Variants in RYR3 observed in about 807,000 individuals in gnomAD.
RYR3 encodes the protein ryanodine receptor 3.
RYR3 carries 207 observed loss-of-function variants against 584.3 expected under a neutral mutation model. The ratio of observed to expected loss-of-function variants is 0.35; its 90% confidence interval spans 0.32 to 0.40. The LOEUF is 0.40. RYR3 is among the 10% of genes least tolerant of loss of function. The probability of loss-of-function intolerance (pLI) is 1.00; values close to 1 mark genes in which losing one functional copy is unlikely to be tolerated. For synonymous variants in RYR3, 2,416 were observed against 2,248.5 expected (o/e 1.07, Z -2.11); for missense variants, 5,616 against 6,089.2 (o/e 0.92, Z 2.59).
At chr15:33,456,378 C>CAGGACATT (rs2047561776) in intron 1 of RYR3, among the ~76,000 whole-genome samples, 1 of 152,204 alleles carries the variant, frequency 6.6e-6, no homozygotes, top group Admixed American at 6.5e-5. Flanking sequence ...GCACGTGACA[C>CAGGACATT]AGGAAGTTTT....
rs1567276035 is a variant in RYR3 at position 33,834,327 on chromosome 15, G to GCACACACAC, written c.11464-641_11464-640insCACACACAC. ...ACACACACACACACACACACACAGTGAGATTAACATGGAAAATGCAAACTA... is the reference window on the plus strand; with the variant it reads ...ACACACACACACACACACACACAGTGCACACACACAGATTAACATGGAAAATGCAAACTA... On this transcript the variant is annotated intron_variant, in intron 86 of 103. Coordinates refer to ENST00000634891, the MANE Select transcript of RYR3 (RefSeq NM_001036.6). Among the ~76,000 whole-genome samples the GCACACACAC allele has an allele frequency of 5.0e-3, 561 of 112,666 alleles. 5 individuals carry two copies. The highest frequency in any genetic ancestry group is 0.015 in the African/African-American group (478 of 32,244). 73.9% of individuals were successfully genotyped at this position (112,666 alleles called of 152,430 possible). A position where few individuals can be genotyped will look rare whatever the true frequency, so the allele number is the denominator to read the frequency against.
At chr15:33,669,627 A>G (rs576703409) in intron 37 of RYR3, among the ~76,000 whole-genome samples, 171 bp downstream of exon 37, 3 of 152,334 alleles carry the variant, frequency 2.0e-5, no homozygotes, top group Non-Finnish European at 2.9e-5. Context: ...AGATACAGGA[A>G]GTAACCCTGA....
chr15:33,619,117 C>T (rs1015987705), intron 19 of RYR3, among the ~76,000 whole-genome samples: 3 of 152,112 alleles, frequency 2.0e-5, no homozygotes, highest in African/African-American at 7.2e-5. Context: ...AGGACAGAGT[C>T]GCTTACTGTA....
At chr15:33,616,462 A>G (rs1034304961) in intron 19 of RYR3, among the ~76,000 whole-genome samples, 17 of 152,210 alleles carry the variant, frequency 1.1e-4, no homozygotes, top group Admixed American at 4.6e-4. Context: ...CATGTAGAAG[A>G]CATTTCTGGG....
chr15:33,454,991 G>C (rs999990094), intron 1 of RYR3, among the ~76,000 whole-genome samples: 13 of 152,210 alleles, frequency 8.5e-5, no homozygotes, highest in Admixed American at 7.9e-4. Context: ...GCATATCACT[G>C]TGTCTGGAGC....
chr15:33,787,532 A>T (rs1291483173), intron 66 of RYR3, among the ~76,000 whole-genome samples: 4 of 126,688 alleles, frequency 3.2e-5, no homozygotes, highest in Non-Finnish European at 1.7e-5. Flanking sequence ...AAAAAAAAAC[A>T]AAAACAAACA....
chr15:33,503,166 CTCTA>C (rs1362487184), intron 2 of RYR3, among the ~76,000 whole-genome samples: 2 of 152,138 alleles, frequency 1.3e-5, no homozygotes, highest in Admixed American at 6.6e-5. Context: ...TCTTTTTATA[CTCTA>C]TCTAGGTTTT....
chr15:33,547,229 C>T (rs1394693840), intron 8 of RYR3, among the ~76,000 whole-genome samples: 1 of 152,108 alleles, frequency 6.6e-6, no homozygotes, highest in African/African-American at 2.4e-5. Flanking sequence ...ACCGGTACTC[C>T]ACAAAACTGT....
At chr15:33,725,434 G>C (rs898071737) in intron 45 of RYR3, among the ~76,000 whole-genome samples, 2 of 152,062 alleles carry the variant, frequency 1.3e-5, no homozygotes, top group South Asian at 4.1e-4. Flanking sequence ...CCAGCTGAAC[G>C]CCTACTACAC....
chr15:33,332,607 A>G (rs1567040180), intron 1 of RYR3, among the ~76,000 whole-genome samples: 1 of 152,136 alleles, frequency 6.6e-6, no homozygotes, highest in Non-Finnish European at 1.5e-5. Flanking sequence ...TTCTCTCATT[A>G]CAGAACAATT....
chr15:33,855,179 G>C (rs1390005128), intron 98 of RYR3, among the ~76,000 whole-genome samples: 1 of 151,928 alleles, frequency 6.6e-6, no homozygotes, highest in African/African-American at 2.4e-5. Context: ...GGAGGTGATG[G>C]ACATGTCAGA....
chr15:33,839,079 G>A, intron 89 of RYR3, 121 bp downstream of exon 89: 1 of 1,239,484 alleles, frequency 8.1e-7, no homozygotes, highest in Non-Finnish European at 1.1e-6. Flanking sequence ...GACAGTGGCT[G>A]TGGTGTGATT....
intron 24 of RYR3, among the ~76,000 whole-genome samples, 192 bp downstream of exon 24, chr15:33,633,300 C>T (rs2061353591): frequency 6.6e-6 from 1 of 152,198 alleles, no homozygotes; most frequent in Non-Finnish European, 1.5e-5. Flanking sequence ...CATAGCTCAG[C>T]AGTATTTCTG....
intron 86 of RYR3, among the ~76,000 whole-genome samples, chr15:33,832,324 T>C (rs931175112): frequency 6.6e-5 from 10 of 150,936 alleles, no homozygotes; most frequent in African/African-American, 2.4e-4. Context: ...AAATCATACC[T>C]GATTTAAAAT....
intron 67 of RYR3, among the ~76,000 whole-genome samples, chr15:33,788,712 A>C (rs953256673): frequency 6.6e-6 from 1 of 152,112 alleles, no homozygotes; most frequent in East Asian, 1.9e-4. Flanking sequence ...AGGTCAGAGG[A>C]AGTTGGTCAA....
rs1890370621 is a variant in RYR3 at position 33,865,919 on chromosome 15, T to TGTCA, written c.*698_*701dup. On this transcript the variant is annotated 3_prime_UTR_variant, in exon 104 of 104. Coordinates refer to ENST00000634891, the MANE Select transcript of RYR3 (RefSeq NM_001036.6). ...TCATACAAGTTTTTTTAGTAACAGC[T>TGTCA]GTCAGTCAACTGCTGTTATTAGAAG... 6.5e-6 allele frequency: 1 copy of TGTCA among 152,720 alleles called. No individual in the cohort carries two copies. The allele number at this position is 152,720 out of a possible 1,614,324, so 9.5% of individuals were successfully genotyped here.
intron 38 of RYR3, among the ~76,000 whole-genome samples, chr15:33,671,779 G>A (rs1265343875): frequency 6.7e-6 from 1 of 148,954 alleles, no homozygotes; most frequent in Non-Finnish European, 1.5e-5. Context: ...TTTTGAAAGT[G>A]GTTGCTTCTT....
chr15:33,504,267 CCTTATAA>C (rs1169295415), intron 3 of RYR3, among the ~76,000 whole-genome samples: 1 of 152,150 alleles, frequency 6.6e-6, no homozygotes, highest in Non-Finnish European at 1.5e-5. Flanking sequence ...GTAAAATGAT[CCTTATAA>C]CTAAGAGACA....
At chr15:33,541,545 C>G (rs2055816681) in intron 7 of RYR3, among the ~76,000 whole-genome samples, 1 of 152,142 alleles carries the variant, frequency 6.6e-6, no homozygotes, top group Non-Finnish European at 1.5e-5. Context: ...GAAGAATAAT[C>G]AAATGTCAGT....
Sources: gnomAD v4.1 joint callset for allele counts (sites outside exome capture counted in the v4.1 genomes callset) on GRCh38, gnomAD v4.1.1 for gene constraint, MANE v1.5 for transcripts, NCBI Gene and HGNC (gene_info 2026-07-23, HGNC 2026-07-21) for gene names.